Variants in KCTD16 observed in about 807,000 individuals in gnomAD.
KCTD16 encodes potassium channel tetramerization domain containing 16, also known as BTB/POZ domain-containing protein KCTD16.
A neutral mutation model predicts 33.2 loss-of-function variants in KCTD16; 13 were observed. The ratio of observed to expected loss-of-function variants is 0.39; its 90% confidence interval spans 0.25 to 0.62. The LOEUF (loss-of-function observed/expected upper bound fraction) is 0.62, where lower values mean the gene tolerates loss of function less well. Ranked by LOEUF, KCTD16 falls within the 20% of genes least tolerant of loss-of-function variation. The probability of loss-of-function intolerance (pLI) is 0.50; values close to 1 mark genes in which losing one functional copy is unlikely to be tolerated. For missense variants in KCTD16, 441 were observed against 525.1 expected, an observed-to-expected ratio of 0.84 and a Z score of 1.57; for synonymous variants, 197 against 195.3, an observed-to-expected ratio of 1.01 and a Z score of -0.07.
At chr5:144,413,735 G>A (rs1349637948) in intron 3 of KCTD16, among the ~76,000 whole-genome samples, 1 of 152,174 alleles carries the variant, frequency 6.6e-6, no homozygotes, top group Non-Finnish European at 1.5e-5. Context: ...GGAGACTCCT[G>A]TGAGTTCAAT....
intron 3 of KCTD16, among the ~76,000 whole-genome samples, chr5:144,396,848 TC>T (rs1402616422): frequency 1.3e-5 from 2 of 151,522 alleles, no homozygotes; most frequent in Non-Finnish European, 2.9e-5. Flanking sequence ...TGTGGCATCT[TC>T]CAGTCAAGTT....
chr5:144,292,031 T>G (rs1361524524), intron 3 of KCTD16, among the ~76,000 whole-genome samples: 1 of 152,260 alleles, frequency 6.6e-6, no homozygotes, highest in Non-Finnish European at 1.5e-5. Flanking sequence ...TAAACTATTT[T>G]AACTATTTTT....
chr5:144,249,907 C>G (rs1754649998), intron 3 of KCTD16, among the ~76,000 whole-genome samples: 1 of 152,110 alleles, frequency 6.6e-6, no homozygotes, highest in African/African-American at 2.4e-5. Context: ...CTGATACTGT[C>G]AGAAGGAGCA....
Position 144,484,963 on chromosome 5 carries a change from A to G in KCTD16, c.*10849A>G, listed in dbSNP as rs1754774167. The G allele has an allele frequency of 6.6e-6, 1 of 151,978 alleles. No homozygotes were observed. The highest frequency in any genetic ancestry group is 1.5e-5 in the Non-Finnish European group (1 of 67,942). The allele number at this position is 151,978 out of a possible 1,614,324, so 9.4% of individuals were successfully genotyped here. On this transcript the variant is annotated 3_prime_UTR_variant, in exon 4 of 4. Transcript: ENST00000512467. ...GTGTTAAAATGAATGTGCTTATTAC[A>G]GTATAAACATCATTAATTATGGACT...
Position 144,362,289 on chromosome 5 carries a change from A to G in KCTD16, c.833-111371A>G, listed in dbSNP as rs911407974. Among the ~76,000 whole-genome samples, 43 of 152,296 alleles carry G rather than the reference A, an allele frequency of 2.8e-4. 1 individual carries two copies. Among genetic ancestry groups the G allele is most frequent in the African/African-American group, 1.0e-3 (42 of 41,554 alleles). On this transcript the variant is annotated intron_variant, in intron 3 of 3. Coordinates refer to ENST00000512467, the MANE Select transcript of KCTD16 (RefSeq NM_020768.4). ...GCTGAATCCCTAGCATAGCTGGAGGAAAAAGAGAAGATAGGTGATGCAGAT... is the reference window on the plus strand; with the variant it reads ...GCTGAATCCCTAGCATAGCTGGAGGGAAAAGAGAAGATAGGTGATGCAGAT...
chr5:144,399,524 T>C (rs1228919178), intron 3 of KCTD16, among the ~76,000 whole-genome samples: 1 of 152,158 alleles, frequency 6.6e-6, no homozygotes, highest in Admixed American at 6.6e-5. Flanking sequence ...AAGTACATTT[T>C]TGAATTGCAA....
chr5:144,456,985 G>A (rs71592908), intron 3 of KCTD16, among the ~76,000 whole-genome samples: 3 of 152,152 alleles, frequency 2.0e-5, no homozygotes, highest in African/African-American at 4.8e-5. Context: ...TATCCACATT[G>A]CCATAGATGG....
At chr5:144,182,101 A>AAT (rs961016350) in intron 2 of KCTD16, among the ~76,000 whole-genome samples, 1 of 151,288 alleles carries the variant, frequency 6.6e-6, no homozygotes, top group African/African-American at 2.4e-5. Context: ...AAAAAAAAAA[A>AAT]GTTATCAGGC....
At chr5:144,245,090 C>CATTT in intron 3 of KCTD16, among the ~76,000 whole-genome samples, 1 of 152,228 alleles carries the variant, frequency 6.6e-6, no homozygotes, top group Middle Eastern at 3.4e-3. Flanking sequence ...TTCCATTGTA[C>CATTT]ATTTATTTAT....
In KCTD16 at chr5:144,288,542, T is replaced by G. The variant is rs1045747041; in HGVS notation, c.832+80996T>G. On this transcript the variant is annotated intron_variant, in intron 3 of 3. Transcript: ENST00000512467. ...GGCTATTTGTGGGTATATCACATACTTCAGATTTAGGCATGTTTAGTACTT... is the reference window on the plus strand; with the variant it reads ...GGCTATTTGTGGGTATATCACATACGTCAGATTTAGGCATGTTTAGTACTT... 2.6e-5 allele frequency among the ~76,000 whole-genome samples: 4 copies of G among 152,294 alleles called. No individual in the cohort carries two copies. The South Asian group carries it at 6.2e-4, about 24-fold the overall frequency.
At chr5:144,213,397 C>T (rs1170406092) in intron 3 of KCTD16, among the ~76,000 whole-genome samples, 3 of 150,986 alleles carry the variant, frequency 2.0e-5, no homozygotes, top group Non-Finnish European at 4.4e-5. Flanking sequence ...CTTTCTTTCT[C>T]TCTCTTTCTT....
chr5:144,363,415 G>A (rs1751762545), intron 3 of KCTD16, among the ~76,000 whole-genome samples: 1 of 152,050 alleles, frequency 6.6e-6, no homozygotes, highest in Non-Finnish European at 1.5e-5. Flanking sequence ...AGTCTTCAGG[G>A]AGGCAAGGAC....
At chr5:144,302,857 G>C (rs1008315615) in intron 3 of KCTD16, among the ~76,000 whole-genome samples, 2 of 152,138 alleles carry the variant, frequency 1.3e-5, no homozygotes, top group African/African-American at 4.8e-5. Flanking sequence ...AGCCCACTTG[G>C]CCTCTTCTTT....
chr5:144,357,055 G>A (rs17101828), intron 3 of KCTD16, among the ~76,000 whole-genome samples: 9,721 of 151,698 alleles, frequency 0.064, 465 homozygotes, highest in East Asian at 0.16. Flanking sequence ...GTATCCCTTG[G>A]CCCTTTGAAC....
intron 3 of KCTD16, among the ~76,000 whole-genome samples, chr5:144,434,397 A>G (rs1753531493): frequency 6.6e-6 from 1 of 152,128 alleles, no homozygotes; most frequent in South Asian, 2.1e-4. Context: ...ATTCATAGAC[A>G]TCATAATATT....
At chr5:144,433,328 G>C (rs979034362) in intron 3 of KCTD16, among the ~76,000 whole-genome samples, 6 of 152,114 alleles carry the variant, frequency 3.9e-5, no homozygotes, top group African/African-American at 1.4e-4. Context: ...CTGGTGGCAT[G>C]AGGCAATATG....
chr5:144,298,261 T>C (rs899686722), intron 3 of KCTD16, among the ~76,000 whole-genome samples: 1 of 152,122 alleles, frequency 6.6e-6, no homozygotes, highest in African/African-American at 2.4e-5. Context: ...CTTGCGACCA[T>C]CTTGGAAGTG....
intron 2 of KCTD16, among the ~76,000 whole-genome samples, chr5:144,192,071 C>G (rs1158306310): frequency 6.6e-6 from 1 of 152,068 alleles, no homozygotes; most frequent in Non-Finnish European, 1.5e-5. Context: ...AAGGGGGCAT[C>G]TCATTGCTGA....
chr5:144,394,017 G>C (rs891958294), intron 3 of KCTD16, among the ~76,000 whole-genome samples: 1 of 139,616 alleles, frequency 7.2e-6, no homozygotes, highest in African/African-American at 2.8e-5. Flanking sequence ...GCACATGGTC[G>C]GGAACCCAAA....
Sources: allele counts gnomAD v4.1 joint callset (sites outside exome capture counted in the v4.1 genomes callset), GRCh38; gene constraint gnomAD v4.1.1; transcripts MANE v1.5; gene names NCBI Gene and HGNC (gene_info 2026-07-23, HGNC 2026-07-21).